The following BCAP29 variants were observed in gnomAD, a reference collection of about 807,000 sequenced individuals.
The protein encoded by BCAP29 is B cell receptor associated protein 29.
Under a neutral mutation model 31.8 loss-of-function variants are expected in BCAP29, and 34 were observed. The ratio of observed to expected loss-of-function variants is 1.07; its 90% CI spans 0.81 to 1.42. The LOEUF (loss-of-function observed/expected upper bound fraction) is 1.42. BCAP29 is among the 40% of genes most tolerant of loss of function. BCAP29 has a pLI of 0.00. For synonymous variants in BCAP29, 104 were observed against 91.3 expected (o/e 1.14, Z -0.79); for missense variants, 314 against 269.2 (o/e 1.17, Z -1.16).
chr7:107,604,548 C>T (rs1811730417), intron 6 of BCAP29, among the ~76,000 whole-genome samples: 1 of 152,054 alleles, frequency 6.6e-6, no homozygotes, highest in Admixed American at 6.5e-5. Context: ...GCATGTTTTA[C>T]AGTTGTAAAT....
chr7:107,613,523 A>G (rs1320459138), intron 7 of BCAP29, 91 bp downstream of exon 7: 2 of 1,318,368 alleles, frequency 1.5e-6, no homozygotes, highest in Non-Finnish European at 2.1e-6. Flanking sequence ...TAACTAATCA[A>G]GATGATGTAC....
At chr7:107,612,407 ATATATATATATATATATATATAT>A (rs1483786881) in intron 6 of BCAP29, among the ~76,000 whole-genome samples, 1 of 32,540 alleles carries the variant, frequency 3.1e-5, no homozygotes, top group Middle Eastern at 0.021. Context: ...ATATATATAT[ATATATATATATATATATATATAT>A]ATATATATAT....
intron 7 of BCAP29, chr7:107,615,171 A>G: frequency 2.2e-6 from 1 of 456,280 alleles, no homozygotes; most frequent in Non-Finnish European, 4.4e-6. Context: ...CCATTGTGGT[A>G]ACAGCCATTG....
intron 4 of BCAP29, 117 bp from the exon 5 acceptor site, chr7:107,595,749 TA>T: frequency 9.0e-7 from 1 of 1,115,486 alleles, no homozygotes; most frequent in Non-Finnish European, 1.3e-6. Context: ...GGGTTCTGCC[TA>T]AACATTATCT....
Position 107,612,519 on chromosome 7 carries a change from G to T in BCAP29, c.590-813G>T, listed in dbSNP as rs1433620129. Among the ~76,000 whole-genome samples the T allele has an allele frequency of 3.4e-5, 5 of 148,704 alleles. No homozygotes were observed. The East Asian group carries it at 9.9e-4, about 29-fold the overall frequency. Reference sequence around the variant, plus strand: ...CTTGGTAGGTAAAGGTCAATATATAGTAATTCTTGTGTGCCATTATCTTGA... The same window carrying T: ...CTTGGTAGGTAAAGGTCAATATATATTAATTCTTGTGTGCCATTATCTTGA... On this transcript the variant is annotated intron_variant, in intron 6 of 7. Transcript: ENST00000005259.
intron 6 of BCAP29, among the ~76,000 whole-genome samples, chr7:107,602,096 A>G (rs1811279058): frequency 6.6e-6 from 1 of 152,214 alleles, no homozygotes; most frequent in Non-Finnish European, 1.5e-5. Flanking sequence ...TGTGTTTACA[A>G]TCTGATAACA....
rs1814847104 is a variant in BCAP29, at chr7:107,620,414, C to G, written c.*2051C>G. The G allele has an allele frequency of 6.6e-6, 1 of 152,134 alleles. No homozygotes were observed. Among genetic ancestry groups the G allele is most frequent in the Admixed American group, 6.6e-5 (1 of 15,266 alleles). 9.4% of individuals were successfully genotyped at this position (152,134 alleles called of 1,614,324 possible). On this transcript the variant is annotated 3_prime_UTR_variant, in exon 8 of 8. Coordinates refer to ENST00000005259, the MANE Select transcript of BCAP29 (RefSeq NM_018844.4). ...GTGTTTGGTAGTTTTTCCTAGTACT[C>G]TCCTTAATAATGGTGGTGTTTAGCA...
chr7:107,590,536 G>A (rs2129225121), intron 3 of BCAP29, among the ~76,000 whole-genome samples: 1 of 152,196 alleles, frequency 6.6e-6, no homozygotes, highest in African/African-American at 2.4e-5. Context: ...AGAAAATCCT[G>A]GCCTGGCACA....
intron 7 of BCAP29, 85 bp from the exon 8 acceptor site, chr7:107,618,239 AAGAG>A: frequency 1.1e-6 from 1 of 909,472 alleles, no homozygotes; most frequent in Non-Finnish European, 1.7e-6. Context: ...GTATACATAG[AAGAG>A]AGAATGTTTT....
At chr7:107,599,127 T>C (rs1248399127) in intron 5 of BCAP29, among the ~76,000 whole-genome samples, 1 of 128,894 alleles carries the variant, frequency 7.8e-6, no homozygotes, top group African/African-American at 3.0e-5. Context: ...TATAAATATA[T>C]TAAAAATTTA....
rs1168841295 is a variant in BCAP29 at position 107,592,075 on chromosome 7, C to T, written c.194-1880C>T. On this transcript the variant is annotated intron_variant, in intron 3 of 7. Coordinates refer to ENST00000005259, the MANE Select transcript of BCAP29 (RefSeq NM_018844.4). ...GTGCTGGGATTACAGGTGTTAGCCA[C>T]CACACCCAGCCAGAATGTGAGAACT... 5.3e-5 allele frequency among the ~76,000 whole-genome samples: 8 copies of T among 151,970 alleles called. 1 individual carries two copies. The highest frequency in any genetic ancestry group is 2.9e-5 in the Non-Finnish European group (2 of 68,004).
At chr7:107,585,859 C>G (rs955255748) in intron 3 of BCAP29, among the ~76,000 whole-genome samples, 4 of 151,972 alleles carry the variant, frequency 2.6e-5, no homozygotes. Flanking sequence ...GGCATGGGGG[C>G]GCGTGCCTGT....
chr7:107,618,842 C>G lies in BCAP29; in HGVS notation c.*479C>G, dbSNP rs118011218. 1 of 295,332 alleles carries G rather than the reference C, an allele frequency of 3.4e-6. No homozygotes were observed. Among genetic ancestry groups the G allele is most frequent in the Non-Finnish European group, 6.3e-6 (1 of 158,454 alleles). 18.3% of individuals were successfully genotyped at this position (295,332 alleles called of 1,614,324 possible). A position where few individuals can be genotyped will look rare whatever the true frequency, so the allele number is the denominator to read the frequency against. ...ATAAGGATAACTGATCAGAGTTATC[C>G]ACTGTATTTATAAGGAAGAGTCGGA... is the stretch of plus-strand genomic sequence containing the variant. On this transcript the variant is annotated 3_prime_UTR_variant, in exon 8 of 8. Coordinates refer to ENST00000005259, the MANE Select transcript of BCAP29 (RefSeq NM_018844.4).
At chr7:107,600,814 A>C (rs1240222481) in intron 6 of BCAP29, among the ~76,000 whole-genome samples, 1 of 152,244 alleles carries the variant, frequency 6.6e-6, no homozygotes, top group Non-Finnish European at 1.5e-5. Flanking sequence ...AAAGAATCAC[A>C]TTTTTCCATC....
chr7:107,594,086 T>A lies in BCAP29; in HGVS notation c.325T>A (p.Phe109Ile). ...RSQRNLYISGFSLFFWLVLRR... is the reference protein window; with the variant it reads ...RSQRNLYISGISLFFWLVLRR... Reference sequence around the variant, plus strand: ...TCAAAGAAATCTTTACATTTCTGGATTTTCCCTATTTTTTTGGCTGTAAGT... The same window carrying A: ...TCAAAGAAATCTTTACATTTCTGGAATTTCCCTATTTTTTTGGCTGTAAGT... The change falls in exon 4 of 8, where the codon TTT becomes ATT. Residue 109 changes from phenylalanine (F) to isoleucine (I), a missense_variant. Transcript: ENST00000005259. The A allele has an allele frequency of 6.2e-7, 1 of 1,610,908 alleles. No individual in the cohort carries two copies. The highest frequency in any genetic ancestry group is 1.1e-5 in the South Asian group (1 of 90,714).
At chr7:107,581,184 C>T (rs184991435) in intron 2 of BCAP29, among the ~76,000 whole-genome samples, 37 of 152,232 alleles carry the variant, frequency 2.4e-4, no homozygotes, top group African/African-American at 8.9e-4. Flanking sequence ...TGTTTTATTG[C>T]CCTGAATTGG....
intron 6 of BCAP29, among the ~76,000 whole-genome samples, chr7:107,603,136 AT>A (rs1271179760): frequency 1.3e-5 from 2 of 151,464 alleles, no homozygotes; most frequent in African/African-American, 4.9e-5. Flanking sequence ...CGCCTGGCTA[AT>A]TTTTTTGTAT....
At chr7:107,603,384 C>A (rs1811518709) in intron 6 of BCAP29, 1 of 152,060 alleles carries the variant, frequency 6.6e-6, no homozygotes, top group South Asian at 2.1e-4. Context: ...AATGTCTGTT[C>A]TTCATTCTTT....
downstream of BCAP29, chr7:107,622,472 ACAAGC>A (rs1206706576): frequency 1.3e-5 from 2 of 152,850 alleles, no homozygotes; most frequent in Non-Finnish European, 2.9e-5. Flanking sequence ...TCTTCTTGGA[ACAAGC>A]CAAATTCTTT....
Sources: allele counts gnomAD v4.1 joint callset (sites outside exome capture counted in the v4.1 genomes callset), GRCh38; gene constraint gnomAD v4.1.1; transcripts MANE v1.5; gene names NCBI Gene and HGNC (gene_info 2026-07-23, HGNC 2026-07-21).